Variants in EFCAB5 observed in about 807,000 individuals in gnomAD.
The protein encoded by EFCAB5 is EF-hand calcium-binding domain-containing protein 5.
EFCAB5 carries 131 observed loss-of-function variants against 167.9 expected under a neutral mutation model. That is an observed-to-expected ratio of 0.78 (90% CI 0.68 to 0.90). The LOEUF is 0.90. Ranked by LOEUF, EFCAB5 falls within the 40% of genes least tolerant of loss-of-function variation. The pLI, the probability that EFCAB5 is intolerant of heterozygous loss-of-function variation, is 0.00. For missense variants in EFCAB5, 1,663 were observed against 1,745.2 expected (o/e 0.95, Z 0.84); for synonymous variants, 574 against 602.8 (o/e 0.95, Z 0.70).
chr17:30,046,278 A>G (rs1018126829), intron 8 of EFCAB5, among the ~76,000 whole-genome samples: 1 of 152,138 alleles, frequency 6.6e-6, no homozygotes, highest in African/African-American at 2.4e-5. Flanking sequence ...ATAATCACTT[A>G]TGGTTGCTTG....
At chr17:30,012,339 C>T (rs1294518208) in intron 7 of EFCAB5, among the ~76,000 whole-genome samples, 1 of 152,182 alleles carries the variant, frequency 6.6e-6, no homozygotes, top group African/African-American at 2.4e-5. Context: ...TGATGCTGTG[C>T]TTCAGTGGTC....
chr17:29,982,239 C>G (rs1368910276), intron 4 of EFCAB5, among the ~76,000 whole-genome samples: 1 of 152,144 alleles, frequency 6.6e-6, no homozygotes, highest in Non-Finnish European at 1.5e-5. Context: ...CGACGCCATC[C>G]TGGCTAACAT....
chr17:29,950,185 C>T (rs1385936455), intron 3 of EFCAB5, among the ~76,000 whole-genome samples: 1 of 152,152 alleles, frequency 6.6e-6, no homozygotes, highest in Non-Finnish European at 1.5e-5. Context: ...AACATGAGGA[C>T]AATGAGAATG....
At position 30,053,293 on chromosome 17, in the gene EFCAB5, T is replaced by G; in HGVS notation, c.1339T>G (p.Leu447Val). Reference sequence around the variant, plus strand: ...ATTTGAAGAGATAAACTTGACTGAGTTGTGGGGAGACATGGATAATCAGAA... The same window carrying G: ...ATTTGAAGAGATAAACTTGACTGAGGTGTGGGGAGACATGGATAATCAGAA... ...IEFEEINLTE[L>V]WGDMDNQKHI... Residue 447 changes from leucine to valine, a missense_variant, in exon 10 of 23, where the codon TTG becomes GTG. Physicochemically the swap from Leu to Val is conservative, Grantham distance 32. Coordinates refer to ENST00000394835, the MANE Select transcript of EFCAB5 (RefSeq NM_198529.4). 6.2e-7 allele frequency: 1 copy of G among 1,612,042 alleles called. No homozygotes were observed. The highest frequency in any genetic ancestry group is 1.3e-5 in the African/African-American group (1 of 74,950).
At chr17:30,095,470 C>T (rs2071275451) in intron 22 of EFCAB5, among the ~76,000 whole-genome samples, 1 of 152,326 alleles carries the variant, frequency 6.6e-6, no homozygotes, top group East Asian at 1.9e-4. Flanking sequence ...GCTGGACTCA[C>T]AGTCCTAATT....
chr17:29,966,516 T>G (rs1449978104), intron 3 of EFCAB5, among the ~76,000 whole-genome samples: 1 of 152,200 alleles, frequency 6.6e-6, no homozygotes, highest in African/African-American at 2.4e-5. Flanking sequence ...GGCATGCACC[T>G]GTAGTCCCAG....
At chr17:30,073,217 G>A in intron 14 of EFCAB5, 1 of 676,648 alleles carries the variant, frequency 1.5e-6, no homozygotes. Context: ...CATCAGGCCT[G>A]GCTAATTTTT....
chr17:30,101,625 G>GT (rs1190704943), intron 22 of EFCAB5, among the ~76,000 whole-genome samples: 2 of 152,220 alleles, frequency 1.3e-5, no homozygotes, highest in Non-Finnish European at 2.9e-5. Context: ...AGATTGGTTG[G>GT]TGAATAGATG....
In EFCAB5 at chr17:30,089,815, C is replaced by A. The variant is rs373253081; in HGVS notation, c.3684-606C>A. ...CTGACTAGTGCTAGGATGCAAAAAA[C>A]CCCTCCCTTTGCCTCAAGGTGGGAC... On this transcript the variant is annotated intron_variant, in intron 19 of 22. Coordinates refer to ENST00000394835, the MANE Select transcript of EFCAB5 (RefSeq NM_198529.4). 2.7e-4 allele frequency among the ~76,000 whole-genome samples: 41 copies of A among 152,300 alleles called. 1 individual carries two copies. Among genetic ancestry groups the A allele is most frequent in the African/African-American group, 9.4e-4 (39 of 41,564 alleles).
intron 8 of EFCAB5, among the ~76,000 whole-genome samples, chr17:30,039,559 G>A (rs76159080): frequency 1.3e-5 from 2 of 152,186 alleles, no homozygotes; most frequent in South Asian, 4.1e-4. Flanking sequence ...CATCTTGCTT[G>A]TGGTGGAGGT....
At chr17:29,957,237 TATG>T (rs1358664617) in intron 3 of EFCAB5, among the ~76,000 whole-genome samples, 3 of 152,244 alleles carry the variant, frequency 2.0e-5, no homozygotes, top group Non-Finnish European at 1.5e-5. Flanking sequence ...ATTCTGTTGA[TATG>T]ATGTGTCACA....
intron 1 of EFCAB5, among the ~76,000 whole-genome samples, chr17:29,931,478 T>C (rs928508036): frequency 6.6e-6 from 1 of 152,204 alleles, no homozygotes; most frequent in Admixed American, 6.5e-5. Context: ...AGGGTCCCTG[T>C]ACTGTACAGT....
chr17:30,022,405 A>C (rs929827432), intron 7 of EFCAB5, among the ~76,000 whole-genome samples: 2 of 152,176 alleles, frequency 1.3e-5, no homozygotes, highest in African/African-American at 4.8e-5. Context: ...TTAAGGACAC[A>C]TGCAGGCACG....
At chr17:30,085,391 TG>T (rs1443888332) in intron 18 of EFCAB5, among the ~76,000 whole-genome samples, 11 of 152,260 alleles carry the variant, frequency 7.2e-5, no homozygotes, top group African/African-American at 2.4e-4. Context: ...GGCACAATAA[TG>T]CCTTCCCATA....
chr17:30,073,549 A>T (rs1316180152), intron 14 of EFCAB5: 9 of 595,340 alleles, frequency 1.5e-5, no homozygotes, highest in South Asian at 6.5e-5. Flanking sequence ...TAAGTAAATT[A>T]TAGAAATCAA....
chr17:29,930,268 C>A, intron 1 of EFCAB5: 1 of 501,780 alleles, frequency 2.0e-6, no homozygotes, highest in East Asian at 3.4e-5. Context: ...TCAGCTACCG[C>A]CTCTCCCCTC....
chr17:30,043,373 T>C (rs1437486156), intron 8 of EFCAB5, among the ~76,000 whole-genome samples: 1 of 152,082 alleles, frequency 6.6e-6, no homozygotes, highest in Non-Finnish European at 1.5e-5. Flanking sequence ...ACTTTTATTT[T>C]ACATTGTACT....
rs55875315 is a variant in EFCAB5 at position 29,994,133 on chromosome 17, AATATATATATATATATATATAT to A, written c.924+835_924+856del. Among the ~76,000 whole-genome samples the A allele has an allele frequency of 4.2e-3, 232 of 55,856 alleles. 4 individuals carry two copies. Among genetic ancestry groups the A allele is most frequent in the African/African-American group, 9.2e-3 (156 of 17,044 alleles). The allele number at this position is 55,856 out of a possible 152,430, so 36.6% of individuals were successfully genotyped here. Reference sequence around the variant, plus strand: ...AAACAAAACAACAACAACAACAACAAATATATATATATATATATATATATATATATATATATATATATATGTG... The same window carrying A: ...AAACAAAACAACAACAACAACAACAAATATATATATATATATATATATGTG... On this transcript the variant is annotated intron_variant, in intron 5 of 22. Transcript: ENST00000394835.
At chr17:30,032,736 C>A (rs1481991801) in intron 7 of EFCAB5, among the ~76,000 whole-genome samples, 1 of 152,160 alleles carries the variant, frequency 6.6e-6, no homozygotes, top group Non-Finnish European at 1.5e-5. Context: ...ATCTTCATTT[C>A]TTTATGACAG....
Sources: gnomAD v4.1 joint callset for allele counts (sites outside exome capture counted in the v4.1 genomes callset) on GRCh38, gnomAD v4.1.1 for gene constraint, MANE v1.5 for transcripts, NCBI Gene and HGNC (gene_info 2026-07-23, HGNC 2026-07-21) for gene names.